The following MCU variants were observed in gnomAD, a reference collection of about 807,000 sequenced individuals.
The protein encoded by MCU is calcium uniporter protein, mitochondrial.
MCU carries 12 observed loss-of-function variants against 45.2 expected under a neutral mutation model. The ratio of observed to expected loss-of-function variants is 0.27; its 90% confidence interval spans 0.17 to 0.43. The LOEUF (loss-of-function observed/expected upper bound fraction) is 0.43. MCU is among the 20% of genes least tolerant of loss of function. MCU has a pLI of 1.00. For synonymous variants in MCU, 160 were observed against 165.1 expected (o/e 0.97, Z 0.24); for missense variants, 324 against 436.7 (o/e 0.74, Z 2.30).
intron 1 of MCU, among the ~76,000 whole-genome samples, chr10:72,800,970 C>A (rs1336344445): frequency 6.6e-6 from 1 of 152,108 alleles, no homozygotes; most frequent in Non-Finnish European, 1.5e-5. Flanking sequence ...CATGGTGGAA[C>A]ACACCTGTAG....
chr10:72,742,213 C>T (rs935496604), intron 1 of MCU, among the ~76,000 whole-genome samples: 1 of 151,368 alleles, frequency 6.6e-6, no homozygotes, highest in East Asian at 1.9e-4. Context: ...TGTGTAGCCT[C>T]GGAGCAATAG....
At chr10:72,744,585 G>T (rs929331669) in intron 1 of MCU, among the ~76,000 whole-genome samples, 2 of 152,216 alleles carry the variant, frequency 1.3e-5, no homozygotes, top group Admixed American at 6.5e-5. Context: ...AGCCGAGATG[G>T]TGCCACTGCA....
At chr10:72,808,005 A>G (rs913482057) in intron 1 of MCU, among the ~76,000 whole-genome samples, 2 of 152,224 alleles carry the variant, frequency 1.3e-5, no homozygotes, top group East Asian at 3.8e-4. Flanking sequence ...ATAGCAGTCT[A>G]TTGACAAGCT....
At chr10:72,878,150 A>C (rs1845646314) in intron 6 of MCU, among the ~76,000 whole-genome samples, 1 of 112,510 alleles carries the variant, frequency 8.9e-6, no homozygotes, top group African/African-American at 3.6e-5. Context: ...ACAGAGTCCT[A>C]CTCTGTTGCC....
intron 5 of MCU, among the ~76,000 whole-genome samples, chr10:72,870,454 GT>G (rs1554829158): frequency 6.6e-6 from 1 of 150,600 alleles, no homozygotes; most frequent in Admixed American, 6.6e-5. Flanking sequence ...AATTTTTTGT[GT>G]TTTTTTTTAG....
intron 1 of MCU, among the ~76,000 whole-genome samples, chr10:72,801,960 A>G (rs1010092549): frequency 3.9e-5 from 6 of 152,164 alleles, no homozygotes; most frequent in African/African-American, 1.4e-4. Context: ...GGTGCTAGCC[A>G]CTGTGCCCAG....
intron 1 of MCU, among the ~76,000 whole-genome samples, chr10:72,733,701 A>AT (rs1475523695): frequency 2.2e-4 from 25 of 112,576 alleles, no homozygotes; most frequent in African/African-American, 6.2e-4. Flanking sequence ...ATATATATAT[A>AT]TATTTTTTTA....
intron 1 of MCU, among the ~76,000 whole-genome samples, chr10:72,703,919 A>AC (rs912868652): frequency 4.6e-5 from 7 of 151,704 alleles, no homozygotes; most frequent in Non-Finnish European, 1.0e-4. Flanking sequence ...AACAACAACA[A>AC]AAAACAACTA....
chr10:72,794,571 C>G (rs981536608), intron 1 of MCU, among the ~76,000 whole-genome samples: 4 of 152,186 alleles, frequency 2.6e-5, no homozygotes, highest in Non-Finnish European at 4.4e-5. Flanking sequence ...AAAAGCCTCC[C>G]TTCATTTTGT....
At chr10:72,875,822 G>T (rs1236179002) in intron 6 of MCU, among the ~76,000 whole-genome samples, 1 of 152,226 alleles carries the variant, frequency 6.6e-6, no homozygotes, top group African/African-American at 2.4e-5. Flanking sequence ...GAGCTGGGCA[G>T]TAAGACTTGC....
In MCU at chr10:72,746,516, T is replaced by C. The variant is rs146205647; in HGVS notation, c.150+54215T>C. Among the ~76,000 whole-genome samples the C allele has an allele frequency of 5.5e-3, 834 of 152,334 alleles. 8 individuals carry two copies. The highest frequency in any genetic ancestry group is 0.019 in the African/African-American group (783 of 41,580). ...AGTTGAATGTTTGAATTGTATCTATTAGAACAGTATCCTAAGCAGCAAGCC... is the reference window on the plus strand; with the variant it reads ...AGTTGAATGTTTGAATTGTATCTATCAGAACAGTATCCTAAGCAGCAAGCC... On this transcript the variant is annotated intron_variant, in intron 1 of 7. Transcript: ENST00000373053.
intron 1 of MCU, among the ~76,000 whole-genome samples, chr10:72,800,356 A>G (rs1425699542): frequency 6.6e-6 from 1 of 152,252 alleles, no homozygotes; most frequent in East Asian, 1.9e-4. Flanking sequence ...TATATGAAAC[A>G]TAAATGAATT....
intron 1 of MCU, among the ~76,000 whole-genome samples, chr10:72,733,703 A>T (rs4596992): frequency 0.77 from 98,109 of 128,022 alleles, 34,124 homozygotes; most frequent in Non-Finnish European, 0.79. Flanking sequence ...ATATATATAT[A>T]TTTTTTTAAA....
chr10:72,822,724 C>G (rs1316675741), intron 1 of MCU, among the ~76,000 whole-genome samples: 12 of 152,114 alleles, frequency 7.9e-5, no homozygotes, highest in Admixed American at 7.9e-4. Flanking sequence ...CCTGTAATCC[C>G]AGCACTTTGA....
chr10:72,836,703 A>G (rs946193798), intron 2 of MCU, among the ~76,000 whole-genome samples: 3 of 152,332 alleles, frequency 2.0e-5, no homozygotes, highest in African/African-American at 4.8e-5. Context: ...TCCTACCAAC[A>G]CTATCCTTCT....
intron 6 of MCU, among the ~76,000 whole-genome samples, chr10:72,871,848 C>T (rs919475189): frequency 6.6e-6 from 1 of 152,178 alleles, no homozygotes; most frequent in Non-Finnish European, 1.5e-5. Flanking sequence ...AAATATACTA[C>T]AGTAAGGTAT....
intron 1 of MCU, among the ~76,000 whole-genome samples, chr10:72,759,397 G>A (rs1313683397): frequency 6.6e-6 from 1 of 152,106 alleles, no homozygotes; most frequent in Non-Finnish European, 1.5e-5. Flanking sequence ...TAACCGATTA[G>A]GTCGGGGTCA....
intron 1 of MCU, among the ~76,000 whole-genome samples, chr10:72,809,617 T>G (rs928562892): frequency 6.6e-6 from 1 of 152,192 alleles, no homozygotes; most frequent in African/African-American, 2.4e-5. Context: ...GCTATTCTAA[T>G]AAGCAGCTAG....
At chr10:72,864,645 A>G (rs1845426248) in intron 4 of MCU, among the ~76,000 whole-genome samples, 1 of 152,076 alleles carries the variant, frequency 6.6e-6, no homozygotes, top group African/African-American at 2.4e-5. Flanking sequence ...TAGTCCAGGT[A>G]GGCCATTAGT....
Sources: allele counts gnomAD v4.1 joint callset (sites outside exome capture counted in the v4.1 genomes callset), GRCh38; gene constraint gnomAD v4.1.1; transcripts MANE v1.5; gene names NCBI Gene and HGNC (gene_info 2026-07-23, HGNC 2026-07-21).